The following NEDD4L variants were observed in gnomAD, a reference collection of about 807,000 sequenced individuals.
NEDD4L encodes NEDD4 like E3 ubiquitin protein ligase.
NEDD4L carries 54 observed loss-of-function variants against 148.9 expected under a neutral mutation model. That is an observed-to-expected ratio of 0.36 (90% CI 0.29 to 0.45). The LOEUF (loss-of-function observed/expected upper bound fraction) is 0.45. Among genes scored for constraint, NEDD4L ranks in the 20% least tolerant of loss-of-function variants. NEDD4L has a pLI of 1.00. For missense variants in NEDD4L, 856 were observed against 1,233.8 expected (o/e 0.69, Z 4.59); for synonymous variants, 433 against 440.7 (o/e 0.98, Z 0.22).
chr18:58,285,307 A>G (rs1043402047), intron 5 of NEDD4L, among the ~76,000 whole-genome samples: 9 of 151,900 alleles, frequency 5.9e-5, no homozygotes, highest in African/African-American at 2.2e-4. Context: ...TAACTCCACA[A>G]TGAGATGATG....
At chr18:58,157,091 G>T (rs570148041) in intron 1 of NEDD4L, among the ~76,000 whole-genome samples, 5 of 151,632 alleles carry the variant, frequency 3.3e-5, no homozygotes, top group Non-Finnish European at 5.9e-5. Context: ...GGGAGGCTAA[G>T]GTGGGAGGAT....
intron 2 of NEDD4L, among the ~76,000 whole-genome samples, chr18:58,237,112 C>G (rs531624890): frequency 6.6e-6 from 1 of 152,040 alleles, no homozygotes; most frequent in Non-Finnish European, 1.5e-5. Context: ...CCACCTTTCA[C>G]AAAGGCAAAA....
rs534491162 is a variant in NEDD4L, at chr18:58,100,693, A to G, written c.48+55985A>G. 9.3e-4 allele frequency among the ~76,000 whole-genome samples: 142 copies of G among 152,342 alleles called. 1 individual carries two copies. The highest frequency in any genetic ancestry group is 1.3e-3 in the Non-Finnish European group (90 of 68,034). On this transcript the variant is annotated intron_variant, in intron 1 of 30. Transcript: ENST00000400345. Reference sequence around the variant, plus strand: ...AAAACAAACAAACCTGCAAAACCTGAGGAAACATCTTCCTCCTACGTACTT... The same window carrying G: ...AAAACAAACAAACCTGCAAAACCTGGGGAAACATCTTCCTCCTACGTACTT...
At chr18:58,198,260 T>C (rs1412497112) in intron 2 of NEDD4L, among the ~76,000 whole-genome samples, 2 of 152,172 alleles carry the variant, frequency 1.3e-5, no homozygotes, top group Non-Finnish European at 2.9e-5. Flanking sequence ...AACCACTTTT[T>C]GAAAAATTGG....
intron 1 of NEDD4L, among the ~76,000 whole-genome samples, chr18:58,148,358 GT>G (rs1211211642): frequency 6.6e-6 from 1 of 151,944 alleles, no homozygotes; most frequent in Non-Finnish European, 1.5e-5. Flanking sequence ...TAGAGATGGG[GT>G]TTCACCATGT....
intron 5 of NEDD4L, chr18:58,314,475 T>A (rs1245832948): frequency 6.6e-6 from 1 of 151,964 alleles, no homozygotes; most frequent in Admixed American, 6.6e-5. Context: ...GCACACTGCC[T>A]AATTCCTTGT....
chr18:58,127,109 G>A (rs1319233173), intron 1 of NEDD4L, among the ~76,000 whole-genome samples: 4 of 152,158 alleles, frequency 2.6e-5, no homozygotes, highest in African/African-American at 7.2e-5. Context: ...AGCAAACCCC[G>A]TCTCCTGTCA....
rs35545013 is a variant in NEDD4L at position 58,398,157 on chromosome 18, T to TAAAAAAAAAAAAA, written c.*1913_*1925dup. On this transcript the variant is annotated 3_prime_UTR_variant, in exon 31 of 31. Transcript: ENST00000400345. ...TCAGAAAACTTAGATGCTATGTAAC[T>TAAAAAAAAAAAAA]AAAAAAAAAAAAAAAAAAAAAAAAA... 3.5e-4 allele frequency: 11 copies of TAAAAAAAAAAAAA among 31,008 alleles called. 1 individual carries two copies. Among genetic ancestry groups the TAAAAAAAAAAAAA allele is most frequent in the East Asian group, 1.4e-3 (1 of 732 alleles). 1.9% of individuals were successfully genotyped at this position (31,008 alleles called of 1,614,324 possible).
At chr18:58,253,782 T>A (rs1347293164) in intron 5 of NEDD4L, among the ~76,000 whole-genome samples, 2 of 152,230 alleles carry the variant, frequency 1.3e-5, no homozygotes, top group Non-Finnish European at 2.9e-5. Context: ...CCCATTTCCG[T>A]ATCTGAAATA....
At chr18:58,119,134 C>T (rs566430691) in intron 1 of NEDD4L, among the ~76,000 whole-genome samples, 2 of 152,350 alleles carry the variant, frequency 1.3e-5, no homozygotes, top group East Asian at 3.9e-4. Context: ...CCTCTAAGCT[C>T]TCAGGCTCTG....
chr18:58,400,595 G>C lies in NEDD4L; in HGVS notation c.*4326G>C, dbSNP rs1478337315. 4 of 152,206 alleles carry C rather than the reference G, an allele frequency of 2.6e-5. No individual in the cohort carries two copies. The highest frequency in any genetic ancestry group is 9.6e-5 in the African/African-American group (4 of 41,454). 9.4% of individuals were successfully genotyped at this position (152,206 alleles called of 1,614,324 possible). A position where few individuals can be genotyped will look rare whatever the true frequency, so the allele number is the denominator to read the frequency against. ...AAACCTCATTAAACATCTGTTGTTT[G>C]TTAAAGATGTTCCACTGAAAGCAAC... On this transcript the variant is annotated 3_prime_UTR_variant, in exon 31 of 31. Coordinates refer to ENST00000400345, the MANE Select transcript of NEDD4L (RefSeq NM_001144967.3).
intron 2 of NEDD4L, among the ~76,000 whole-genome samples, chr18:58,189,352 AC>A (rs1259485289): frequency 6.6e-6 from 1 of 152,130 alleles, no homozygotes; most frequent in African/African-American, 2.4e-5. Flanking sequence ...AGTGACCTTT[AC>A]ACCCCAGGAG....
chr18:58,263,549 G>C (rs566004299), intron 5 of NEDD4L, among the ~76,000 whole-genome samples: 2 of 151,464 alleles, frequency 1.3e-5, no homozygotes, highest in East Asian at 3.9e-4. Context: ...TTCTTCTATT[G>C]GTCATTCGAG....
intron 16 of NEDD4L, among the ~76,000 whole-genome samples, chr18:58,348,256 C>G (rs1040565077): frequency 4.6e-5 from 7 of 151,844 alleles, no homozygotes; most frequent in African/African-American, 1.7e-4. Context: ...CCTTGGCCTC[C>G]CAAAGTGCTG....
intron 2 of NEDD4L, among the ~76,000 whole-genome samples, chr18:58,226,507 C>T (rs546999112): frequency 9.2e-5 from 14 of 152,252 alleles, no homozygotes; most frequent in African/African-American, 1.7e-4. Flanking sequence ...GGGGGAGGGA[C>T]GAATGTGAAC....
At chr18:58,203,835 T>C (rs1287557697) in intron 2 of NEDD4L, among the ~76,000 whole-genome samples, 1 of 152,028 alleles carries the variant, frequency 6.6e-6, no homozygotes, top group Non-Finnish European at 1.5e-5. Flanking sequence ...ATTTGAAAAA[T>C]AACAACTGTG....
At chr18:58,054,836 T>C (rs1023964162) in intron 1 of NEDD4L, 2 of 152,226 alleles carry the variant, frequency 1.3e-5, no homozygotes, top group African/African-American at 2.4e-5. Context: ...CATGTTGACG[T>C]TGAATTCTAG....
chr18:58,146,741 T>G lies in NEDD4L; in HGVS notation c.49-19047T>G, dbSNP rs1387957045. Among the ~76,000 whole-genome samples the G allele has an allele frequency of 9.7e-4, 147 of 152,328 alleles. 1 individual carries two copies. Among genetic ancestry groups the G allele is most frequent in the African/African-American group, 3.3e-3 (138 of 41,568 alleles). ...GTGAGGATGTGGAAGGGTGCAGAGC[T>G]GCTCAAGGTCAGCTTCCTGAGCCTG... On this transcript the variant is annotated intron_variant, in intron 1 of 30. Coordinates refer to ENST00000400345, the MANE Select transcript of NEDD4L (RefSeq NM_001144967.3).
intron 1 of NEDD4L, among the ~76,000 whole-genome samples, chr18:58,083,225 A>G (rs1039153303): frequency 6.6e-6 from 1 of 152,234 alleles, no homozygotes; most frequent in African/African-American, 2.4e-5. Flanking sequence ...GCAGTGGTTC[A>G]CAGTAACATG....
Sources: gnomAD v4.1 joint callset for allele counts (sites outside exome capture counted in the v4.1 genomes callset) on GRCh38, gnomAD v4.1.1 for gene constraint, MANE v1.5 for transcripts, NCBI Gene and HGNC (gene_info 2026-07-23, HGNC 2026-07-21) for gene names.